TNR: variants seen among roughly 807,000 people sequenced by gnomAD.
The protein encoded by TNR is tenascin-R.
TNR carries 45 observed loss-of-function variants against 150.4 expected under a neutral mutation model. The ratio of observed to expected loss-of-function variants is 0.30; its 90% confidence interval spans 0.24 to 0.38. The LOEUF is 0.38. Among genes scored for constraint, TNR ranks in the 10% least tolerant of loss-of-function variants. The probability of loss-of-function intolerance (pLI) is 1.00; values close to 1 mark genes in which losing one functional copy is unlikely to be tolerated. For synonymous variants in TNR, 687 were observed against 678.4 expected, an observed-to-expected ratio of 1.01 and a Z score of -0.20; for missense variants, 1,544 against 1,759.1, an observed-to-expected ratio of 0.88 and a Z score of 2.19.
At chr1:175,647,248 C>T (rs1558052817) in intron 1 of TNR, among the ~76,000 whole-genome samples, 2 of 152,300 alleles carry the variant, frequency 1.3e-5, no homozygotes, top group South Asian at 2.1e-4. Context: ...AAAGCTCTTT[C>T]TAACCCATGA....
rs60101670 is a variant in TNR at position 175,687,613 on chromosome 1, G to C, written c.-165+55613C>G. On this transcript the variant is annotated intron_variant, in intron 1 of 22. Transcript: ENST00000367674. ...ATAGTTAACCCCGAAATGAAGAAGA[G>C]AGGTGGTATGCTGAGCTAGCTCATG... Among the ~76,000 whole-genome samples the C allele has an allele frequency of 3.1e-3, 475 of 152,168 alleles. 2 individuals are homozygous for C. The highest frequency in any genetic ancestry group is 0.011 in the African/African-American group (458 of 41,510).
At chr1:175,654,059 C>T (rs148244882) in intron 1 of TNR, among the ~76,000 whole-genome samples, 2 of 152,250 alleles carry the variant, frequency 1.3e-5, no homozygotes, top group East Asian at 1.9e-4. Context: ...GACTTTTCTC[C>T]ACCCCAGGAG....
Position 175,695,340 on chromosome 1 carries a change from T to G in TNR, c.-165+47886A>C, listed in dbSNP as rs529225546. ...CAGATTCTGTGGTCCCAAACAAGCC[T>G]GCGGATTATGGCAGCTCTTGCCAGT... On this transcript the variant is annotated intron_variant, in intron 1 of 22. Transcript: ENST00000367674. Among the ~76,000 whole-genome samples the G allele has an allele frequency of 5.9e-5, 9 of 152,300 alleles. No individual in the cohort carries two copies. The South Asian group carries it at 8.3e-4, about 14-fold the overall frequency.
At position 175,440,553 on chromosome 1, in the gene TNR, GA is replaced by G. The variant is rs977274745; in HGVS notation, c.-63-33777del. ...AATAATAAAATAAAATAAAATAAAG[GA>G]AAAAAAAGTGAAAAAAGAGAAAGAG... On this transcript the variant is annotated intron_variant, in intron 2 of 22. Transcript: ENST00000367674. Among the ~76,000 whole-genome samples the G allele has an allele frequency of 7.3e-5, 11 of 150,860 alleles. 1 individual carries two copies. The highest frequency in any genetic ancestry group is 4.2e-4 in the South Asian group (2 of 4,766).
At chr1:175,730,915 C>A (rs894622071) in intron 1 of TNR, among the ~76,000 whole-genome samples, 5 of 152,132 alleles carry the variant, frequency 3.3e-5, no homozygotes, top group African/African-American at 1.2e-4. Context: ...GCTTCCTTTG[C>A]AGTGGACATG....
At chr1:175,374,410 C>A (rs1035345780) in intron 9 of TNR, among the ~76,000 whole-genome samples, 14 of 151,992 alleles carry the variant, frequency 9.2e-5, no homozygotes, top group African/African-American at 3.4e-4. Flanking sequence ...GTAGTGTGTA[C>A]GTATGAGGGC....
At chr1:175,373,525 A>T (rs1170928018) in intron 9 of TNR, among the ~76,000 whole-genome samples, 1 of 152,154 alleles carries the variant, frequency 6.6e-6, no homozygotes, top group African/African-American at 2.4e-5. Flanking sequence ...GGTGTGCATG[A>T]TGTTCAAGTT....
chr1:175,506,831 AG>A (rs1658975753), intron 2 of TNR, among the ~76,000 whole-genome samples: 1 of 152,258 alleles, frequency 6.6e-6, no homozygotes. Context: ...TATTTGGGAC[AG>A]ATATTCTAGG....
chr1:175,327,924 A>C (rs1347729711), intron 21 of TNR, among the ~76,000 whole-genome samples: 1 of 152,196 alleles, frequency 6.6e-6, no homozygotes, highest in African/African-American at 2.4e-5. Context: ...CCTGGCCAGC[A>C]TGGCAAAACC....
chr1:175,404,999 C>T (rs966696050), intron 3 of TNR, among the ~76,000 whole-genome samples: 5 of 152,156 alleles, frequency 3.3e-5, no homozygotes, highest in Admixed American at 6.5e-5. Context: ...GTCAGGTACC[C>T]CTCTACATCT....
chr1:175,495,618 T>C (rs1339698718), intron 2 of TNR, among the ~76,000 whole-genome samples: 1 of 152,212 alleles, frequency 6.6e-6, no homozygotes, highest in Admixed American at 6.5e-5. Flanking sequence ...CACAAAACTT[T>C]ACAATATATT....
chr1:175,464,560 C>T (rs892355844), intron 2 of TNR, among the ~76,000 whole-genome samples: 36 of 152,128 alleles, frequency 2.4e-4, no homozygotes, highest in East Asian at 1.5e-3. Context: ...TTCAGGCACC[C>T]GGGAAATTGC....
At chr1:175,699,724 C>T (rs1277134449) in intron 1 of TNR, among the ~76,000 whole-genome samples, 3 of 151,936 alleles carry the variant, frequency 2.0e-5, no homozygotes, top group Non-Finnish European at 4.4e-5. Context: ...AGGCTTACAA[C>T]AGAGATTGTG....
intron 2 of TNR, among the ~76,000 whole-genome samples, chr1:175,453,521 GT>G (rs1034497196): frequency 6.6e-6 from 1 of 151,988 alleles, no homozygotes; most frequent in African/African-American, 2.4e-5. Flanking sequence ...CTAACTTGCA[GT>G]TTTTTGGTTT....
chr1:175,599,174 G>A lies in TNR; in HGVS notation c.-164-70805C>T, dbSNP rs916896312. 6.6e-6 allele frequency among the ~76,000 whole-genome samples: 1 copy of A among 152,280 alleles called. No individual in the cohort carries two copies. The highest frequency in any genetic ancestry group is 6.5e-5 in the Admixed American group (1 of 15,304). On this transcript the variant is annotated intron_variant, in intron 1 of 22. Transcript: ENST00000367674. The surrounding 1 kb of genome is among the most constrained non-coding windows in gnomAD (Gnocchi z 4.7). ...GGGAGAAGAGAGGAGGGAGGAAGGA[G>A]AGCAGGAGGGAGGGGAAGCTGTCCC...
chr1:175,451,204 G>GTT (rs11289379), intron 2 of TNR, among the ~76,000 whole-genome samples: 1 of 128,708 alleles, frequency 7.8e-6, no homozygotes, highest in Non-Finnish European at 1.7e-5. Context: ...CACCTGGTTA[G>GTT]TTTTTTTTTT....
intron 2 of TNR, among the ~76,000 whole-genome samples, chr1:175,519,355 C>T (rs1659540282): frequency 1.3e-5 from 2 of 152,338 alleles, no homozygotes; most frequent in East Asian, 1.9e-4. Context: ...ATTTTGAGCT[C>T]ATGGTGGACT....
At chr1:175,496,870 A>G (rs1434942571) in intron 2 of TNR, among the ~76,000 whole-genome samples, 4 of 152,232 alleles carry the variant, frequency 2.6e-5, no homozygotes, top group African/African-American at 9.6e-5. Flanking sequence ...TGAGGGAGGT[A>G]GTATCTGATG....
intron 1 of TNR, among the ~76,000 whole-genome samples, chr1:175,727,001 C>T (rs1047375748): frequency 4.6e-5 from 7 of 152,130 alleles, no homozygotes; most frequent in African/African-American, 1.7e-4. Flanking sequence ...AGCCATGGCT[C>T]AACACTGGAC....
Sources: allele counts gnomAD v4.1 joint callset (sites outside exome capture counted in the v4.1 genomes callset), GRCh38; gene constraint gnomAD v4.1.1; non-coding constraint Gnocchi (gnomAD v3.1); transcripts MANE v1.5; gene names NCBI Gene and HGNC (gene_info 2026-07-23, HGNC 2026-07-21).